The following ABCF2 variants were observed in gnomAD, a reference collection of about 807,000 sequenced individuals.
The protein encoded by ABCF2 is ATP-binding cassette sub-family F member 2.
In ABCF2, 37 loss-of-function variants were observed where a neutral mutation model predicts 76.9. The ratio of observed to expected loss-of-function variants is 0.48; its 90% CI spans 0.37 to 0.63. ABCF2 has a LOEUF of 0.63. Ranked by LOEUF, ABCF2 falls within the 30% of genes least tolerant of loss-of-function variation. The pLI, the probability that ABCF2 is intolerant of heterozygous loss-of-function variation, is 0.00. For synonymous variants in ABCF2, 299 were observed against 283.7 expected (o/e 1.05, Z -0.54); for missense variants, 524 against 782.1 (o/e 0.67, Z 3.94).
At chr7:151,218,713 C>T (rs1255526924) in intron 9 of ABCF2, 41 bp downstream of exon 9, 3 of 1,613,212 alleles carry the variant, frequency 1.9e-6, no homozygotes, top group Non-Finnish European at 8.5e-7. Flanking sequence ...CCTTAGGCCA[C>T]CCAACCCCAC....
rs112959189 is a variant in ABCF2 at position 151,218,475 on chromosome 7, G to T, written c.1227+86C>A. 11 of 1,216,970 alleles carry T rather than the reference G, an allele frequency of 9.0e-6. No homozygotes were observed. The Middle Eastern group carries it at 7.3e-4, about 80-fold the overall frequency. 75.4% of individuals were successfully genotyped at this position (1,216,970 alleles called of 1,614,324 possible). A position where few individuals can be genotyped will look rare whatever the true frequency, so the allele number is the denominator to read the frequency against. Reference sequence around the variant, plus strand: ...CCAGAGCACGTGGGCTAGCAGGTGTGGTCAGCACAGAACAGGAGCAACTCC... The same window carrying T: ...CCAGAGCACGTGGGCTAGCAGGTGTTGTCAGCACAGAACAGGAGCAACTCC... On this transcript the variant is annotated intron_variant, in intron 10 of 14. Transcript: ENST00000287844.
chr7:151,215,894 G>C lies in ABCF2; in HGVS notation c.1401+73C>G. On this transcript the variant is annotated intron_variant, in intron 12 of 14. Coordinates refer to ENST00000287844, the MANE Select transcript of ABCF2 (RefSeq NM_007189.3). This position sits in a 1 kb window ranked among gnomAD's most constrained non-coding sequence, Gnocchi z 4.6. ...TCCTGCCAGGGGGTGGGGGCGGCTG[G>C]CTGGAACTCAGCCAGATACAGCCCC... 2 of 1,589,406 alleles carry C rather than the reference G, an allele frequency of 1.3e-6. No homozygotes were observed. Among genetic ancestry groups the C allele is most frequent in the Non-Finnish European group, 1.7e-6 (2 of 1,161,670 alleles).
At chr7:151,219,899 C>A (rs1802231804) in intron 7 of ABCF2, among the ~76,000 whole-genome samples, 1 of 151,930 alleles carries the variant, frequency 6.6e-6, no homozygotes, top group African/African-American at 2.4e-5. Context: ...AGGAGTTTGA[C>A]AGCAGCCTAG....
intron 7 of ABCF2, 109 bp downstream of exon 7, chr7:151,221,469 T>C (rs908240205): frequency 5.1e-6 from 4 of 780,518 alleles, no homozygotes; most frequent in Non-Finnish European, 8.2e-6. Flanking sequence ...CCCAAAGTGC[T>C]GGGATTACAG....
At position 151,218,703 on chromosome 7, in the gene ABCF2, C is replaced by T. The variant is rs1195809767; in HGVS notation, c.1137+51G>A. ...GTTGGCTCCTTTCTTATCCACCTCACCTTAGGCCACCCAACCCCACCCAAT... is the reference window on the plus strand; with the variant it reads ...GTTGGCTCCTTTCTTATCCACCTCATCTTAGGCCACCCAACCCCACCCAAT... On this transcript the variant is annotated intron_variant, in intron 9 of 14. Transcript: ENST00000287844. The T allele has an allele frequency of 6.2e-6, 10 of 1,613,382 alleles. No homozygotes were observed. The East Asian group carries it at 6.7e-5, about 11-fold the overall frequency.
In ABCF2 at chr7:151,218,611, G is replaced by C. The variant is rs1429119215; in HGVS notation, c.1177C>G (p.Pro393Ala). Residue 393 changes from proline (P) to alanine (A), a missense_variant, in exon 10 of 15, where the codon CCA (proline) becomes GCA (alanine). Pro to Ala is a conservative substitution (Grantham distance 27). Transcript: ENST00000287844. ...ACATTTTGCACCATAATGACAGGTGGAGGGATCTTGCCACATGGTGGGAAA... is the reference window on the plus strand; with the variant it reads ...ACATTTTGCACCATAATGACAGGTGCAGGGATCTTGCCACATGGTGGGAAA... ...FYFPPCGKIPPPVIMVQNVSF... is the reference protein window; with the variant it reads ...FYFPPCGKIPAPVIMVQNVSF... 6.2e-7 allele frequency: 1 copy of C among 1,614,102 alleles called. No homozygotes were observed. Among genetic ancestry groups the C allele is most frequent in the East Asian group, 2.2e-5 (1 of 44,864 alleles).
rs1802064353 is a variant in ABCF2, at chr7:151,212,393, A to C, written c.*1661T>G. 2 of 985,374 alleles carry C rather than the reference A, an allele frequency of 2.0e-6. No individual in the cohort carries two copies. Among genetic ancestry groups the C allele is most frequent in the Middle Eastern group, 5.2e-4 (1 of 1,936 alleles). 61.0% of individuals were successfully genotyped at this position (985,374 alleles called of 1,614,324 possible). A position where few individuals can be genotyped will look rare whatever the true frequency, so the allele number is the denominator to read the frequency against. ...CAAAATTTCCTGTATCCCAATAGGA[A>C]GAGAGGTTCACAGACGTTGGTGTGA... On this transcript the variant is annotated 3_prime_UTR_variant, in exon 15 of 15. Coordinates refer to ENST00000287844, the MANE Select transcript of ABCF2 (RefSeq NM_007189.3).
At chr7:151,221,101 C>T (rs554704838) in intron 7 of ABCF2, among the ~76,000 whole-genome samples, 2 of 152,316 alleles carry the variant, frequency 1.3e-5, no homozygotes, top group South Asian at 4.1e-4. Context: ...GGCCTATGGC[C>T]TGAAAGCAAT....
chr7:151,213,314 T>C lies in ABCF2; in HGVS notation c.*740A>G. The C allele has an allele frequency of 2.0e-6, 2 of 983,934 alleles. No homozygotes were observed. The highest frequency in any genetic ancestry group is 2.4e-6 in the Non-Finnish European group (2 of 828,610). The allele number at this position is 983,934 out of a possible 1,614,324, so 61.0% of individuals were successfully genotyped here. A position where few individuals can be genotyped will look rare whatever the true frequency, so the allele number is the denominator to read the frequency against. On this transcript the variant is annotated 3_prime_UTR_variant, in exon 15 of 15. Coordinates refer to ENST00000287844, the MANE Select transcript of ABCF2 (RefSeq NM_007189.3). Reference sequence around the variant, plus strand: ...CAGGTGATTCTGATTCATGTTAAAGTCTGTGAATCACAGGCCTGAGAAAAG... The same window carrying C: ...CAGGTGATTCTGATTCATGTTAAAGCCTGTGAATCACAGGCCTGAGAAAAG...
chr7:151,218,341 AC>A, intron 10 of ABCF2, 150 bp from the exon 11 acceptor site: 1 of 698,280 alleles, frequency 1.4e-6, no homozygotes, highest in Non-Finnish European at 2.4e-6. Context: ...CGCCTCGCCC[AC>A]TGCCTCCGCC....
Position 151,215,100 on chromosome 7 carries a change from C to G in ABCF2, c.1531-18G>C. The G allele has an allele frequency of 6.2e-7, 1 of 1,603,110 alleles. No individual in the cohort carries two copies. The highest frequency in any genetic ancestry group is 8.5e-7 in the Non-Finnish European group (1 of 1,174,076). On this transcript the variant is annotated intron_variant, in intron 13 of 14. Transcript: ENST00000287844. This position sits in a 1 kb window ranked among gnomAD's most constrained non-coding sequence, Gnocchi z 4.6. ...GGGCTCACCTGAGTAGAACCGTGAC[C>G]TACATATAACTTGGCATTATCCCCG...
Position 151,226,480 on chromosome 7 carries a change from G to A in ABCF2, c.-22C>T, listed in dbSNP as rs746080527. The A allele has an allele frequency of 6.2e-7, 1 of 1,607,848 alleles. No individual in the cohort carries two copies. Among genetic ancestry groups the A allele is most frequent in the Non-Finnish European group, 8.5e-7 (1 of 1,177,538 alleles). ...GCATGATGATGACCCACAGGGGTAG[G>A]TTACTGTTGTTTCAGGGAGCCTGAA... On this transcript the variant is annotated 5_prime_UTR_variant, in exon 2 of 15. Coordinates refer to ENST00000287844, the MANE Select transcript of ABCF2 (RefSeq NM_007189.3).
chr7:151,218,853 A>T lies in ABCF2; in HGVS notation c.1038T>A (p.Gly346=). 6.2e-7 allele frequency: 1 copy of T among 1,613,684 alleles called. No individual in the cohort carries two copies. Among genetic ancestry groups the T allele is most frequent in the Non-Finnish European group, 8.5e-7 (1 of 1,179,988 alleles). Reference sequence around the variant, plus strand: ...GCCGGGCCAGCTTGGCACTGCCATGACCAAACCTCGCAATGTAGTTCTAAA... The same window carrying T: ...GCCGGGCCAGCTTGGCACTGCCATGTCCAAACCTCGCAATGTAGTTCTAAA... ...AHMKNYIARF[G]HGSAKLARQA... is the part of the protein sequence containing the mutation. Residue 346 remains glycine (G), a synonymous_variant, in exon 9 of 15, where the codon GGT becomes GGA. Coordinates refer to ENST00000287844, the MANE Select transcript of ABCF2 (RefSeq NM_007189.3).
chr7:151,214,137 C>G lies in ABCF2; in HGVS notation c.1789G>C (p.Asp597His). 6.2e-7 allele frequency: 1 copy of G among 1,614,180 alleles called. No individual in the cohort carries two copies. Among genetic ancestry groups the G allele is most frequent in the Non-Finnish European group, 8.5e-7 (1 of 1,180,020 alleles). Residue 597 changes from aspartate (D) to histidine (H), a missense_variant, in exon 15 of 15, where the codon GAC becomes CAC. Around this residue, in one of 2 missense-constraint regions of ABCF2, gnomAD observed 194 missense variants for 348.6 expected, o/e 0.56. Transcript: ENST00000287844. The surrounding 1 kb of genome is among the most constrained non-coding windows in gnomAD (Gnocchi z 4.9). ...AGGTGCTCCTTGTAAGCCAGGATGTCTCCAGGCCACTTGGTGATTGTCTGC... is the reference window on the plus strand; with the variant it reads ...AGGTGCTCCTTGTAAGCCAGGATGTGTCCAGGCCACTTGGTGATTGTCTGC... ...EKQTITKWPG[D>H]ILAYKEHLKS...
At chr7:151,218,960 C>T (rs1278573606) in intron 8 of ABCF2, 87 bp from the exon 9 acceptor site, 27 of 1,608,868 alleles carry the variant, frequency 1.7e-5, no homozygotes, top group Non-Finnish European at 2.3e-5. Context: ...ATCGTAACTT[C>T]TTCCCGACAT....
Position 151,218,853 on chromosome 7 carries a change from A to G in ABCF2, c.1038T>C (p.Gly346=). ...GCCGGGCCAGCTTGGCACTGCCATG[A>G]CCAAACCTCGCAATGTAGTTCTAAA... ...AHMKNYIARF[G]HGSAKLARQA... Residue 346 remains glycine (G), a synonymous_variant, in exon 9 of 15, where the codon GGT becomes GGC. Coordinates refer to ENST00000287844, the MANE Select transcript of ABCF2 (RefSeq NM_007189.3). 1 of 1,613,684 alleles carries G rather than the reference A, an allele frequency of 6.2e-7. No homozygotes were observed.
Position 151,223,707 on chromosome 7 carries a change from C to T in ABCF2, c.693G>A (p.Gly231=). 1 of 1,607,770 alleles carries T rather than the reference C, an allele frequency of 6.2e-7. No individual in the cohort carries two copies. The highest frequency in any genetic ancestry group is 8.5e-7 in the Non-Finnish European group (1 of 1,175,468). The change falls in exon 5 of 15, where the codon GGG becomes GGA. Residue 231 remains glycine, a synonymous_variant. Coordinates refer to ENST00000287844, the MANE Select transcript of ABCF2 (RefSeq NM_007189.3). ...MQRKKLKDFS[G]GWRMRVALAR... Reference sequence around the variant, plus strand: ...CAAGGGCAACCCTCATCCTCCAGCCCCCACTGAAGTCTTTTAGCTTCTTGC... The same window carrying T: ...CAAGGGCAACCCTCATCCTCCAGCCTCCACTGAAGTCTTTTAGCTTCTTGC...
chr7:151,216,365 G>A (rs556004983), intron 11 of ABCF2, among the ~76,000 whole-genome samples: 58 of 152,296 alleles, frequency 3.8e-4, no homozygotes, highest in African/African-American at 1.1e-3. Flanking sequence ...CACTGTCATC[G>A]ATAGGTTCTT....
At position 151,214,065 on chromosome 7, in the gene ABCF2, G is replaced by A. The variant is rs757410897; in HGVS notation, c.1861C>T (p.His621Tyr). Residue 621 changes from histidine to tyrosine, a missense_variant, in exon 15 of 15, where the codon CAC becomes TAC. By Grantham distance (83) the His-to-Tyr change is moderately conservative. This residue lies in a region of ABCF2 where 194 missense variants were observed against 348.6 expected (regional missense o/e 0.56). Coordinates refer to ENST00000287844, the MANE Select transcript of ABCF2 (RefSeq NM_007189.3). This position sits in a 1 kb window ranked among gnomAD's most constrained non-coding sequence, Gnocchi z 4.9. ...DEEPQLTKRTHNV is the reference protein window; with the variant it reads ...DEEPQLTKRTYNV Reference sequence around the variant, plus strand: ...CCCAGGTAGAGGGCTCACACGTTGTGGGTCCTCTTGGTGAGCTGGGGCTCC... The same window carrying A: ...CCCAGGTAGAGGGCTCACACGTTGTAGGTCCTCTTGGTGAGCTGGGGCTCC... 6.8e-6 allele frequency: 11 copies of A among 1,613,962 alleles called. No homozygotes were observed. Among genetic ancestry groups the A allele is most frequent in the South Asian group, 2.2e-5 (2 of 91,072 alleles).
Sources: allele counts gnomAD v4.1 joint callset (sites outside exome capture counted in the v4.1 genomes callset), GRCh38; gene constraint gnomAD v4.1.1; regional missense constraint gnomAD v4.1.1; non-coding constraint Gnocchi (gnomAD v3.1); transcripts MANE v1.5; gene names NCBI Gene and HGNC (gene_info 2026-07-23, HGNC 2026-07-21).